The following MYH11 variants were observed in gnomAD, a reference collection of about 807,000 sequenced individuals.
The protein encoded by MYH11 is myosin-11.
Under a neutral mutation model 246.6 loss-of-function variants are expected in MYH11, and 80 were observed. The observed-to-expected ratio is 0.32, with a 90% CI of 0.27 to 0.39. MYH11 has a LOEUF of 0.39. Among genes scored for constraint, MYH11 ranks in the 10% least tolerant of loss-of-function variants. The pLI is 1.00. For missense variants in MYH11, 2,158 were observed against 2,546.8 expected, an observed-to-expected ratio of 0.85 and a Z score of 3.29; for synonymous variants, 1,071 against 1,015.5, an observed-to-expected ratio of 1.05 and a Z score of -1.04.
chr16:15,719,273 C>G lies in MYH11; in HGVS notation c.5118G>C (p.Ala1706=). Residue 1706 remains alanine (A), a synonymous_variant, in exon 36 of 41, where the codon GCG becomes GCC. Transcript: ENST00000300036. ...LAAAERARKQ[A]DLEKEELAEE... Reference sequence around the variant, plus strand: ...CTGCCAGTTCCTCCTTCTCGAGGTCCGCTTGTTTGCGAGCCCTCTCAGCGG... The same window carrying G: ...CTGCCAGTTCCTCCTTCTCGAGGTCGGCTTGTTTGCGAGCCCTCTCAGCGG... 6.2e-7 allele frequency: 1 copy of G among 1,613,004 alleles called. No homozygotes were observed. The highest frequency in any genetic ancestry group is 8.5e-7 in the Non-Finnish European group (1 of 1,180,026).
intron 4 of MYH11, 36 bp downstream of exon 4, chr16:15,798,617 AAAAAAAC>A (rs781635949): frequency 1.5e-4 from 238 of 1,538,324 alleles, no homozygotes; most frequent in African/African-American, 1.4e-3. Flanking sequence ...TTAAAAAAAA[AAAAAAAC>A]AAAAAAAAAA....
chr16:15,850,835 C>T (rs1011997502), intron 1 of MYH11, among the ~76,000 whole-genome samples: 1 of 152,058 alleles, frequency 6.6e-6, no homozygotes, highest in African/African-American at 2.4e-5. Context: ...GTAGAGGTTG[C>T]AGTGAGCCAA....
At chr16:15,852,992 T>C (rs1268180993) in intron 1 of MYH11, among the ~76,000 whole-genome samples, 1 of 152,180 alleles carries the variant, frequency 6.6e-6, no homozygotes. Flanking sequence ...CTTCATCCCT[T>C]GAGCACAAAC....
intron 38 of MYH11, 93 bp from the exon 39 acceptor site, chr16:15,715,365 C>T: frequency 8.7e-7 from 1 of 1,153,754 alleles, no homozygotes. Context: ...GAGTGCTTTC[C>T]TGAGCCCCGT....
chr16:15,730,780 AAAC>A (rs538399834), intron 27 of MYH11, among the ~76,000 whole-genome samples: 157 of 152,270 alleles, frequency 1.0e-3, no homozygotes, highest in Non-Finnish European at 2.0e-3. Context: ...GCAAGCTAAA[AAAC>A]TTACCCTGGG....
rs1200704376 is a variant in MYH11, at chr16:15,767,981, T to C, written c.1033+3588A>G. ...TTAGTAGAGAAGGGGTCTTGCTATG[T>C]TGCTCAGGCTGGTCTTGAACTCCTG... On this transcript the variant is annotated intron_variant, in intron 9 of 40. Transcript: ENST00000300036. 5.3e-5 allele frequency among the ~76,000 whole-genome samples: 8 copies of C among 152,080 alleles called. No homozygotes were observed. In the East Asian group the frequency reaches 1.5e-3, roughly 29 times the overall value.
intron 36 of MYH11, 145 bp downstream of exon 36, chr16:15,719,075 C>A (rs2040325181): frequency 2.5e-6 from 2 of 787,746 alleles, no homozygotes; most frequent in East Asian, 5.4e-5. Context: ...TTGCAGTGAG[C>A]CAAGATTGTG....
intron 25 of MYH11, among the ~76,000 whole-genome samples, chr16:15,736,300 A>G (rs1476150620): frequency 6.6e-6 from 1 of 152,096 alleles, no homozygotes; most frequent in East Asian, 1.9e-4. Context: ...TTGTTTTGAG[A>G]CAGGGTCTTG....
rs146581318 is a variant in MYH11 at position 15,729,069 on chromosome 16, G to A, written c.3652-2015C>T. Among the ~76,000 whole-genome samples, 126 of 152,000 alleles carry A rather than the reference G, an allele frequency of 8.3e-4. 1 individual carries two copies. Among genetic ancestry groups the A allele is most frequent in the Non-Finnish European group, 1.4e-3 (95 of 67,970 alleles). The stretch of plus-strand genomic sequence containing the variant: ...GTTGACCGGTCAGCCCTGGATGCCC[G>A]TCCTCCCTCCAAGACATGACTAAGA... On this transcript the variant is annotated intron_variant, in intron 27 of 40. Transcript: ENST00000300036.
intron 6 of MYH11, chr16:15,779,182 T>A (rs2042291737): frequency 7.5e-6 from 3 of 401,396 alleles, no homozygotes; most frequent in Non-Finnish European, 1.4e-5. Flanking sequence ...AGGGCTGGAG[T>A]GCAGTGGTGC....
intron 28 of MYH11, chr16:15,725,892 T>C (rs558683143): frequency 4.9e-5 from 19 of 389,398 alleles, no homozygotes; most frequent in African/African-American, 3.9e-4. Context: ...ATACATGTAA[T>C]AGGTTCTCAA....
chr16:15,801,951 C>T (rs919171719), intron 3 of MYH11, among the ~76,000 whole-genome samples: 3 of 151,468 alleles, frequency 2.0e-5, no homozygotes, highest in African/African-American at 7.3e-5. Context: ...AGCGAGACTC[C>T]AAAAACAAAA....
intron 3 of MYH11, among the ~76,000 whole-genome samples, chr16:15,814,657 C>G (rs947959513): frequency 1.3e-5 from 2 of 150,642 alleles, no homozygotes; most frequent in Non-Finnish European, 3.0e-5. Context: ...CCGAATTCCC[C>G]ATTTCTGCCC....
chr16:15,772,940 T>C (rs1253822295), intron 8 of MYH11, among the ~76,000 whole-genome samples: 3 of 152,194 alleles, frequency 2.0e-5, no homozygotes, highest in African/African-American at 7.2e-5. Flanking sequence ...CCGATGGGAC[T>C]GCAGGAAAAC....
intron 1 of MYH11, among the ~76,000 whole-genome samples, chr16:15,854,389 A>T (rs2044407848): frequency 6.6e-6 from 1 of 152,204 alleles, no homozygotes. Flanking sequence ...GTAATCTGTG[A>T]AACTCTGGAG....
At position 15,737,569 on chromosome 16, in the gene MYH11, C is replaced by T. The variant is rs748577941; in HGVS notation, c.3173G>A (p.Arg1058Gln). ...KSRQELEKLK[R>Q]KLEGDASDFH... ...GTCGCTGGCATCACCCTCCAGCTTCCGTTTCAGCTTCTCCAGCTCCTGTCG... is the reference window on the plus strand; with the variant it reads ...GTCGCTGGCATCACCCTCCAGCTTCTGTTTCAGCTTCTCCAGCTCCTGTCG... The change falls in exon 25 of 41, where the codon CGG becomes CAG. Residue 1058 changes from arginine (R) to glutamine (Q), a missense_variant. Arg to Gln is a conservative substitution (Grantham distance 43, BLOSUM62 1). Transcript: ENST00000300036. 2.0e-5 allele frequency: 32 copies of T among 1,613,812 alleles called. 1 individual carries two copies. In the South Asian group the frequency reaches 2.9e-4, roughly 14 times the overall value.
intron 1 of MYH11, among the ~76,000 whole-genome samples, chr16:15,845,707 TGA>T (rs139852565): frequency 4.8e-5 from 5 of 103,234 alleles, no homozygotes; most frequent in Admixed American, 9.6e-5. Flanking sequence ...TGTGTGTGTG[TGA>T]GAGAGAGAGA....
At chr16:15,838,309 C>T in intron 1 of MYH11, 40 bp from the exon 2 acceptor site, 1 of 1,556,476 alleles carries the variant, frequency 6.4e-7, no homozygotes, top group Non-Finnish European at 8.8e-7. Context: ...AGACCACAAC[C>T]AAGCCCGGAA....
intron 3 of MYH11, among the ~76,000 whole-genome samples, chr16:15,803,086 G>A (rs1250289138): frequency 6.6e-6 from 1 of 151,506 alleles, no homozygotes; most frequent in Admixed American, 6.6e-5. Context: ...GCAGTGAGTT[G>A]AGATTTTGCC....
Sources: gnomAD v4.1 joint callset for allele counts (sites outside exome capture counted in the v4.1 genomes callset) on GRCh38, gnomAD v4.1.1 for gene constraint, MANE v1.5 for transcripts, NCBI Gene and HGNC (gene_info 2026-07-23, HGNC 2026-07-21) for gene names.